Variants in DNMBP observed in about 807,000 individuals in gnomAD.
The protein encoded by DNMBP is dynamin-binding protein.
DNMBP carries 87 observed loss-of-function variants against 150.0 expected under a neutral mutation model. The observed-to-expected ratio is 0.58, with a 90% CI of 0.49 to 0.69. The LOEUF (loss-of-function observed/expected upper bound fraction) is 0.69, where lower values mean the gene tolerates loss of function less well. Ranked by LOEUF, DNMBP falls within the 30% of genes least tolerant of loss-of-function variation. The probability of loss-of-function intolerance (pLI) is 0.00; values close to 1 mark genes in which losing one functional copy is unlikely to be tolerated. For missense variants in DNMBP, 1,774 were observed against 1,949.0 expected (o/e 0.91, Z 1.69); for synonymous variants, 711 against 750.4 (o/e 0.95, Z 0.86).
chr10:99,943,014 G>A (rs1232230537), intron 4 of DNMBP, among the ~76,000 whole-genome samples: 2 of 152,104 alleles, frequency 1.3e-5, no homozygotes, highest in African/African-American at 2.4e-5. Context: ...CAGGTGTGGT[G>A]GCTTACACCT....
chr10:99,915,918 T>G (rs12768064), intron 4 of DNMBP, among the ~76,000 whole-genome samples: 79,035 of 152,006 alleles, frequency 0.52, 21,106 homozygotes, highest in Middle Eastern at 0.62. Flanking sequence ...CTGTGCTCTT[T>G]ACCAATAGCT....
At position 99,987,318 on chromosome 10, in the gene DNMBP, T is replaced by C. The variant is rs189494226; in HGVS notation, c.-10-15184A>G. ...GAGCTAGAAACCAGCCTGGGCAACATAGTGAGATCTCATCTCCACAACAAA... is the reference window on the plus strand; with the variant it reads ...GAGCTAGAAACCAGCCTGGGCAACACAGTGAGATCTCATCTCCACAACAAA... On this transcript the variant is annotated intron_variant, in intron 1 of 16. Coordinates refer to ENST00000324109, the MANE Select transcript of DNMBP (RefSeq NM_015221.4). 9.2e-5 allele frequency among the ~76,000 whole-genome samples: 14 copies of C among 152,030 alleles called. No individual in the cohort carries two copies. The East Asian group carries it at 1.5e-3, about 17-fold the overall frequency.
At chr10:99,911,516 C>A (rs756267485) in intron 4 of DNMBP, among the ~76,000 whole-genome samples, 2 of 151,984 alleles carry the variant, frequency 1.3e-5, no homozygotes, top group Non-Finnish European at 2.9e-5. Context: ...AAAATACACA[C>A]TGAAGCTTAC....
At chr10:99,919,721 A>C (rs61872245) in intron 4 of DNMBP, among the ~76,000 whole-genome samples, 4,583 of 152,344 alleles carry the variant, frequency 0.03, 75 homozygotes, top group South Asian at 0.079. Flanking sequence ...TGGGAAGCGG[A>C]GGCTACAGTG....
At chr10:99,972,252 T>A in intron 1 of DNMBP, 118 bp from the exon 2 acceptor site, 1 of 986,100 alleles carries the variant, frequency 1.0e-6, no homozygotes, top group Non-Finnish European at 1.4e-6. Context: ...AAGCCAAAGC[T>A]AAGCAAATAA....
At chr10:99,987,303 C>T (rs893264348) in intron 1 of DNMBP, among the ~76,000 whole-genome samples, 2 of 152,042 alleles carry the variant, frequency 1.3e-5, no homozygotes, top group African/African-American at 4.8e-5. Context: ...GAGCTAGAAA[C>T]CAGCCTGGGC....
chr10:99,954,596 T>C (rs1405812683), intron 4 of DNMBP, among the ~76,000 whole-genome samples: 1 of 151,066 alleles, frequency 6.6e-6, no homozygotes. Context: ...AATACAAAAT[T>C]AGCCAGGCAT....
intron 3 of DNMBP, among the ~76,000 whole-genome samples, chr10:99,965,591 G>A (rs970754334): frequency 6.7e-5 from 10 of 149,340 alleles, no homozygotes; most frequent in South Asian, 4.2e-4. Context: ...TCCACCTCCC[G>A]GGTTCAAGCA....
intron 4 of DNMBP, among the ~76,000 whole-genome samples, chr10:99,910,524 CAG>C (rs1219919140): frequency 6.6e-6 from 1 of 152,132 alleles, no homozygotes; most frequent in Non-Finnish European, 1.5e-5. Context: ...GACTGGGTGA[CAG>C]AGAAAGACCC....
chr10:99,898,911 G>C, intron 7 of DNMBP, 151 bp from the exon 8 acceptor site: 1 of 784,470 alleles, frequency 1.3e-6, no homozygotes, highest in East Asian at 2.8e-5. Flanking sequence ...TGTTAGCCCC[G>C]GCCAGGCATG....
intron 1 of DNMBP, among the ~76,000 whole-genome samples, chr10:99,994,662 G>A (rs573101628): frequency 6.6e-6 from 1 of 152,312 alleles, no homozygotes; most frequent in East Asian, 1.9e-4. Context: ...CCCTGCATAT[G>A]GGTCCAGGAA....
chr10:99,909,796 C>G (rs1446867914), intron 4 of DNMBP, among the ~76,000 whole-genome samples: 1 of 152,166 alleles, frequency 6.6e-6, no homozygotes, highest in East Asian at 1.9e-4. Context: ...TAGATACAAA[C>G]TTACTATAAA....
rs1199081711 is a variant in DNMBP, at chr10:99,955,316, C to A, written c.2158G>T (p.Glu720Ter). ...CTTGATGATTCATCCTGCTTCTCCT[C>A]CAGCATGAGGTTTAGCTCTTCTTGA... Reference protein sequence around the residue: ...RAQEELNLMLEEKQDESSRAE... With the variant: ...RAQEELNLML Residue 720 changes from glutamate to a stop codon, truncating the protein, a stop_gained, in exon 4 of 17, where the codon GAG becomes TAG. Coordinates refer to ENST00000324109, the MANE Select transcript of DNMBP (RefSeq NM_015221.4). LOFTEE classifies it high-confidence loss of function. 6.2e-7 allele frequency: 1 copy of A among 1,614,020 alleles called. No individual in the cohort carries two copies. The highest frequency in any genetic ancestry group is 8.5e-7 in the Non-Finnish European group (1 of 1,180,014).
intron 1 of DNMBP, among the ~76,000 whole-genome samples, chr10:99,992,363 CTTAA>C (rs771049884): frequency 2.1e-5 from 3 of 141,432 alleles, no homozygotes; most frequent in Non-Finnish European, 4.7e-5. Context: ...AAAACAATTA[CTTAA>C]TTACTTACTT....
chr10:99,885,616 C>T (rs1354301719), intron 14 of DNMBP, 71 bp downstream of exon 14: 5 of 1,366,230 alleles, frequency 3.7e-6, no homozygotes, highest in African/African-American at 2.9e-5. Flanking sequence ...GGATCTGGGC[C>T]TGGGGGCCTG....
chr10:99,955,399 G>GAGA lies in DNMBP; in HGVS notation c.2074_2075insTCT (p.Pro692delinsLeuSer). On this transcript the variant is annotated protein_altering_variant, in exon 4 of 17. Coordinates refer to ENST00000324109, the MANE Select transcript of DNMBP (RefSeq NM_015221.4). ...TTCCTCAATCCTCACCAGCACTAAGGGGCATGGGGAGGTCTGGTCCAGACT... is the reference window on the plus strand; with the variant it reads ...TTCCTCAATCCTCACCAGCACTAAGGAGAGGCATGGGGAGGTCTGGTCCAGACT... The GAGA allele has an allele frequency of 6.2e-7, 1 of 1,614,084 alleles. No homozygotes were observed. The highest frequency in any genetic ancestry group is 8.5e-7 in the Non-Finnish European group (1 of 1,180,022).
At chr10:99,883,822 CAAAA>C (rs150593109) in intron 15 of DNMBP, among the ~76,000 whole-genome samples, 185 bp downstream of exon 15, 1 of 151,950 alleles carries the variant, frequency 6.6e-6, no homozygotes, top group Non-Finnish European at 1.5e-5. Context: ...TTTGTCAAAA[CAAAA>C]AGAGGTTTTG....
chr10:99,908,048 A>G lies in DNMBP; in HGVS notation c.2501T>C (p.Val834Ala), dbSNP rs1416016700. ...FEGLFGNMQM[V>A]IKVSKQLLAA... ...CAATAATTGCTTCGAGACCTTAATCACCATCTGCATATTTCCAAAAAGTCC... is the reference window on the plus strand; with the variant it reads ...CAATAATTGCTTCGAGACCTTAATCGCCATCTGCATATTTCCAAAAAGTCC... The change falls in exon 6 of 17, where the codon GTG (valine) becomes GCG (alanine). Residue 834 changes from valine (V) to alanine (A), a missense_variant. This residue lies in a region of DNMBP where 1,430 missense variants were observed against 1,492.5 expected (regional missense o/e 0.96). Coordinates refer to ENST00000324109, the MANE Select transcript of DNMBP (RefSeq NM_015221.4). 2 of 1,613,944 alleles carry G rather than the reference A, an allele frequency of 1.2e-6. No individual in the cohort carries two copies. Among genetic ancestry groups the G allele is most frequent in the African/African-American group, 2.7e-5 (2 of 74,904 alleles).
At chr10:99,891,000 G>T (rs369233529) in intron 11 of DNMBP, among the ~76,000 whole-genome samples, 11 of 152,278 alleles carry the variant, frequency 7.2e-5, no homozygotes, top group African/African-American at 2.6e-4. Flanking sequence ...CTCAATAAAT[G>T]ATAGGCCACT....
Sources: allele counts gnomAD v4.1 joint callset (sites outside exome capture counted in the v4.1 genomes callset), GRCh38; gene constraint gnomAD v4.1.1; regional missense constraint gnomAD v4.1.1; transcripts MANE v1.5; gene names NCBI Gene and HGNC (gene_info 2026-07-23, HGNC 2026-07-21).